DDX39A: variants seen among roughly 807,000 people sequenced by gnomAD.
DDX39A encodes ATP-dependent RNA helicase DDX39A.
A neutral mutation model predicts 46.3 loss-of-function variants in DDX39A; 13 were observed. That is an observed-to-expected ratio of 0.28 (90% CI 0.18 to 0.45). The LOEUF is 0.45. Ranked by LOEUF, DDX39A falls within the 20% of genes least tolerant of loss-of-function variation. The pLI is 1.00. For synonymous variants in DDX39A, 234 were observed against 224.6 expected (o/e 1.04, Z -0.38); for missense variants, 352 against 581.8 (o/e 0.61, Z 4.06).
Position 14,410,638 on chromosome 19 carries a change from G to C in DDX39A, c.614-304C>G, listed in dbSNP as rs1419145636. 3.8e-6 allele frequency: 2 copies of C among 522,780 alleles called. No individual in the cohort carries two copies. The allele number at this position is 522,780 out of a possible 1,614,324, so 32.4% of individuals were successfully genotyped here. A position where few individuals can be genotyped will look rare whatever the true frequency, so the allele number is the denominator to read the frequency against. On this transcript the variant is annotated intron_variant, in intron 5 of 10. Transcript: ENST00000242776. This position sits in a 1 kb window ranked among gnomAD's most constrained non-coding sequence, Gnocchi z 4.3. ...AGAGACAGCCGCTGGGGTGAGAGCT[G>C]CAGCTGCCTCCCAGGACACAAGCCC...
Position 14,409,043 on chromosome 19 carries a change from T to G in DDX39A, c.1261A>C (p.Thr421Pro), listed in dbSNP as rs759650855. The G allele has an allele frequency of 6.2e-7, 1 of 1,614,166 alleles. No homozygotes were observed. Among genetic ancestry groups the G allele is most frequent in the South Asian group, 1.1e-5 (1 of 91,090 alleles). Residue 421 changes from threonine to proline, a missense_variant, in exon 10 of 11, where the codon ACA becomes CCA. Transcript: ENST00000242776. This position sits in a 1 kb window ranked among gnomAD's most constrained non-coding sequence, Gnocchi z 8.3. Reference protein sequence around the residue: ...AELPEEIDISTYIEQSR With the variant: ...AELPEEIDISPYIEQSR ...CCCTGCCCAAGGCACTTACTGTATG[T>G]GGAGATGTCGATTTCCTCTGGAAGT...
intron 1 of DDX39A, among the ~76,000 whole-genome samples, chr19:14,414,325 T>TTTTTTATTA (rs1395863016): frequency 3.8e-4 from 51 of 133,522 alleles, no homozygotes; most frequent in Middle Eastern, 3.8e-3. Flanking sequence ...TATCACCTGT[T>TTTTTTATTA]TTATTATTAT....
rs772449637 is a variant in DDX39A, at chr19:14,410,376, C to T, written c.614-42G>A. 82 of 1,538,052 alleles carry T rather than the reference C, an allele frequency of 5.3e-5. No individual in the cohort carries two copies. The highest frequency in any genetic ancestry group is 7.0e-5 in the Non-Finnish European group (78 of 1,112,256). On this transcript the variant is annotated intron_variant, in intron 5 of 10. Coordinates refer to ENST00000242776, the MANE Select transcript of DDX39A (RefSeq NM_005804.4). The surrounding 1 kb of genome is among the most constrained non-coding windows in gnomAD (Gnocchi z 4.3). ...AGACATGGGTGGGCATGAGCGTCTG[C>T]CATGCAGGACCCCCACCCCAGACCA...
chr19:14,419,250 G>T lies in DDX39A; in HGVS notation c.-5+20C>A. 3.6e-6 allele frequency: 1 copy of T among 276,284 alleles called. No individual in the cohort carries two copies. Among genetic ancestry groups the T allele is most frequent in the Non-Finnish European group, 7.2e-6 (1 of 138,312 alleles). 17.1% of individuals were successfully genotyped at this position (276,284 alleles called of 1,614,324 possible). The stretch of plus-strand genomic sequence containing the variant: ...AGACGTCCCCACACCGCGGCCCCGC[G>T]CCCGGGATCCGCTGCTCACCTGGCT... On this transcript the variant is annotated intron_variant, in intron 1 of 10. Transcript: ENST00000242776.
At chr19:14,419,249 C>G in intron 1 of DDX39A, 21 bp downstream of exon 1, 1 of 275,808 alleles carries the variant, frequency 3.6e-6, no homozygotes, top group South Asian at 2.7e-5. Flanking sequence ...CGCGGCCCCG[C>G]GCCCGGGATC....
chr19:14,409,565 G>A lies in DDX39A; in HGVS notation c.945C>T (p.Ala315=). 2 of 1,610,658 alleles carry A rather than the reference G, an allele frequency of 1.2e-6. No homozygotes were observed. Among genetic ancestry groups the A allele is most frequent in the African/African-American group, 1.3e-5 (1 of 75,054 alleles). ...LLVEQNFPAI[A]IHRGMAQEER... ...CCTCCTGGGCCATGCCCCGGTGGAT[G>A]GCGATGGCCGGGAAGTTCTGCTCCA... The change falls in exon 8 of 11, where the codon GCC becomes GCT. Residue 315 remains alanine, a synonymous_variant. Transcript: ENST00000242776. This position sits in a 1 kb window ranked among gnomAD's most constrained non-coding sequence, Gnocchi z 8.3.
Position 14,410,811 on chromosome 19 carries a change from C to T in DDX39A, c.613+178G>A. ...GGGGCTTGCTTGGGCCCCGTGGTCCCATTCGGCTCGGGCTCAGAAACAGCA... is the reference window on the plus strand; with the variant it reads ...GGGGCTTGCTTGGGCCCCGTGGTCCTATTCGGCTCGGGCTCAGAAACAGCA... On this transcript the variant is annotated intron_variant, in intron 5 of 10. Coordinates refer to ENST00000242776, the MANE Select transcript of DDX39A (RefSeq NM_005804.4). This position sits in a 1 kb window ranked among gnomAD's most constrained non-coding sequence, Gnocchi z 4.3. 1 of 608,384 alleles carries T rather than the reference C, an allele frequency of 1.6e-6. No homozygotes were observed. The highest frequency in any genetic ancestry group is 3.3e-5 in the Admixed American group (1 of 30,476). 37.7% of individuals were successfully genotyped at this position (608,384 alleles called of 1,614,324 possible). A position where few individuals can be genotyped will look rare whatever the true frequency, so the allele number is the denominator to read the frequency against.
In DDX39A at chr19:14,409,759, C is replaced by T. The variant is rs1976487316; in HGVS notation, c.847G>A (p.Val283Met). 8.7e-6 allele frequency: 14 copies of T among 1,614,184 alleles called. No individual in the cohort carries two copies. Among genetic ancestry groups the T allele is most frequent in the Non-Finnish European group, 1.2e-5 (14 of 1,180,038 alleles). The stretch of plus-strand genomic sequence containing the variant: ...AGTATCACCTGGTTAAACTCCAGCA[C>T]ATCCAAGAGATCAAAGAGCTTGCGG... ...KNRKLFDLLD[V>M]LEFNQVIIFV... Residue 283 changes from valine (V) to methionine (M), a missense_variant, in exon 7 of 11, where the codon GTG becomes ATG. Transcript: ENST00000242776. This position sits in a 1 kb window ranked among gnomAD's most constrained non-coding sequence, Gnocchi z 8.3.
At chr19:14,415,532 G>C (rs1182996510) in intron 1 of DDX39A, among the ~76,000 whole-genome samples, 1 of 151,938 alleles carries the variant, frequency 6.6e-6, no homozygotes, top group East Asian at 2.0e-4. Context: ...TGTGGGCTCA[G>C]GCGATCCGCC....
At chr19:14,414,460 C>T (rs1041657817) in intron 1 of DDX39A, among the ~76,000 whole-genome samples, 2 of 149,728 alleles carry the variant, frequency 1.3e-5, no homozygotes, top group Admixed American at 1.3e-4. Context: ...TCAAGATTCT[C>T]CTGCCTCAGC....
Position 14,411,070 on chromosome 19 carries a change from G to C in DDX39A, c.532C>G (p.Leu178Val). 6.2e-7 allele frequency: 1 copy of C among 1,612,826 alleles called. No individual in the cohort carries two copies. Among genetic ancestry groups the C allele is most frequent in the Non-Finnish European group, 8.5e-7 (1 of 1,179,478 alleles). The change falls in exon 5 of 11, where the codon CTC becomes GTC. Residue 178 changes from leucine to valine, a missense_variant. By Grantham distance (32) the Leu-to-Val change is conservative. Coordinates refer to ENST00000242776, the MANE Select transcript of DDX39A (RefSeq NM_005804.4). The surrounding 1 kb of genome is among the most constrained non-coding windows in gnomAD (Gnocchi z 4.1). Reference protein sequence around the residue: ...VVGTPGRILALVRNRSFSLKN... With the variant: ...VVGTPGRILAVVRNRSFSLKN... ...AGGCTGAAGCTCCTATTCCGCACGA[G>C]CGCCAGGATGCGGCCCGGGGTCCCC...
chr19:14,410,864 C>A lies in DDX39A; in HGVS notation c.613+125G>T. The A allele has an allele frequency of 2.2e-6, 2 of 907,144 alleles. No homozygotes were observed. Among genetic ancestry groups the A allele is most frequent in the South Asian group, 3.8e-5 (2 of 52,072 alleles). The allele number at this position is 907,144 out of a possible 1,614,324, so 56.2% of individuals were successfully genotyped here. A position where few individuals can be genotyped will look rare whatever the true frequency, so the allele number is the denominator to read the frequency against. ...TCCCTCTGCCAGCAGCAGAGCTTTC[C>A]CCAAGATCACCACAGGAGCCCCGCC... On this transcript the variant is annotated intron_variant, in intron 5 of 10. Transcript: ENST00000242776. The surrounding 1 kb of genome is among the most constrained non-coding windows in gnomAD (Gnocchi z 4.3).
chr19:14,419,075 C>G, intron 1 of DDX39A, 195 bp downstream of exon 1: 1 of 443,168 alleles, frequency 2.3e-6, no homozygotes, highest in Non-Finnish European at 4.5e-6. Context: ...GCGCCAACGG[C>G]TGGCCCACCC....
chr19:14,410,383 G>A lies in DDX39A; in HGVS notation c.614-49C>T. 6.6e-7 allele frequency: 1 copy of A among 1,521,886 alleles called. No homozygotes were observed. The highest frequency in any genetic ancestry group is 9.1e-7 in the Non-Finnish European group (1 of 1,098,028). 94.3% of individuals were successfully genotyped at this position (1,521,886 alleles called of 1,614,324 possible). On this transcript the variant is annotated intron_variant, in intron 5 of 10. Coordinates refer to ENST00000242776, the MANE Select transcript of DDX39A (RefSeq NM_005804.4). The surrounding 1 kb of genome is among the most constrained non-coding windows in gnomAD (Gnocchi z 4.3). ...GGTGGGCATGAGCGTCTGCCATGCA[G>A]GACCCCCACCCCAGACCAGACCCAG...
Position 14,410,914 on chromosome 19 carries a change from C to G in DDX39A, c.613+75G>C. ...CTGCCGGCCGCCCATGTAACCCACT[C>G]AAGAGCCTTCCGCCTGCTATGGGGC... On this transcript the variant is annotated intron_variant, in intron 5 of 10. Transcript: ENST00000242776. This position sits in a 1 kb window ranked among gnomAD's most constrained non-coding sequence, Gnocchi z 4.3. 1 of 1,407,226 alleles carries G rather than the reference C, an allele frequency of 7.1e-7. No homozygotes were observed. Among genetic ancestry groups the G allele is most frequent in the Non-Finnish European group, 9.4e-7 (1 of 1,058,966 alleles). The allele number at this position is 1,407,226 out of a possible 1,614,324, so 87.2% of individuals were successfully genotyped here. A position where few individuals can be genotyped will look rare whatever the true frequency, so the allele number is the denominator to read the frequency against.
rs1214226609 is a variant in DDX39A at position 14,412,893 on chromosome 19, C to T, written c.208+120G>A. On this transcript the variant is annotated intron_variant, in intron 2 of 10. Coordinates refer to ENST00000242776, the MANE Select transcript of DDX39A (RefSeq NM_005804.4). This position sits in a 1 kb window ranked among gnomAD's most constrained non-coding sequence, Gnocchi z 4.4. ...GGCCCCGCTGGGCACAACTGATCCG[C>T]GGGACAGACGGGCCCCTCCCTCACC... 31 of 1,311,214 alleles carry T rather than the reference C, an allele frequency of 2.4e-5. No homozygotes were observed. Among genetic ancestry groups the T allele is most frequent in the Middle Eastern group, 1.9e-4 (1 of 5,180 alleles). The allele number at this position is 1,311,214 out of a possible 1,614,324, so 81.2% of individuals were successfully genotyped here. A position where few individuals can be genotyped will look rare whatever the true frequency, so the allele number is the denominator to read the frequency against.
Position 14,410,787 on chromosome 19 carries a change from G to C in DDX39A, c.613+202C>G. Reference sequence around the variant, plus strand: ...ATGCCTTTACGTCCAGGAGGGACGGGGGCTTGCTTGGGCCCCGTGGTCCCA... The same window carrying C: ...ATGCCTTTACGTCCAGGAGGGACGGCGGCTTGCTTGGGCCCCGTGGTCCCA... On this transcript the variant is annotated intron_variant, in intron 5 of 10. Coordinates refer to ENST00000242776, the MANE Select transcript of DDX39A (RefSeq NM_005804.4). The surrounding 1 kb of genome is among the most constrained non-coding windows in gnomAD (Gnocchi z 4.3). 1 of 556,374 alleles carries C rather than the reference G, an allele frequency of 1.8e-6. No individual in the cohort carries two copies. The highest frequency in any genetic ancestry group is 2.5e-5 in the South Asian group (1 of 39,822). 34.5% of individuals were successfully genotyped at this position (556,374 alleles called of 1,614,324 possible).
At chr19:14,413,368 C>T in intron 1 of DDX39A, 144 bp from the exon 2 acceptor site, 1 of 696,264 alleles carries the variant, frequency 1.4e-6, no homozygotes, top group Non-Finnish European at 2.4e-6. Context: ...GCCCTGTCTC[C>T]ACCTCCCCAC....
chr19:14,418,800 C>A (rs1568332091), intron 1 of DDX39A: 1 of 407,406 alleles, frequency 2.5e-6, no homozygotes, highest in African/African-American at 2.1e-5. Flanking sequence ...CTCAGAATCC[C>A]GAATCCCGTA....
Sources: allele counts gnomAD v4.1 joint callset (sites outside exome capture counted in the v4.1 genomes callset), GRCh38; gene constraint gnomAD v4.1.1; non-coding constraint Gnocchi (gnomAD v3.1); transcripts MANE v1.5; gene names NCBI Gene and HGNC (gene_info 2026-07-23, HGNC 2026-07-21).